The following RNF170 variants were observed in gnomAD, a reference collection of about 807,000 sequenced individuals.
The protein encoded by RNF170 is E3 ubiquitin-protein ligase RNF170.
Under a neutral mutation model 32.7 loss-of-function variants are expected in RNF170, and 12 were observed. The ratio of observed to expected loss-of-function variants is 0.37; its 90% confidence interval spans 0.24 to 0.60. The LOEUF is 0.60. RNF170 is among the 20% of genes least tolerant of loss of function. The pLI is 0.72. For missense variants in RNF170, 212 were observed against 311.2 expected (o/e 0.68, Z 2.40); for synonymous variants, 91 against 103.6 (o/e 0.88, Z 0.74).
At chr8:42,850,650 A>C (rs1802917290), downstream of RNF170, 11 of 934,536 alleles carry the variant, frequency 1.2e-5, no homozygotes, top group Non-Finnish European at 1.8e-5. Flanking sequence ...CAGACAATGG[A>C]AATGTCAATA....
At chr8:42,850,614 G>A, downstream of RNF170, 1 of 737,738 alleles carries the variant, frequency 1.4e-6, no homozygotes, top group Non-Finnish European at 2.2e-6. Flanking sequence ...TGTTTTCATA[G>A]AGCTTGTGTT....
downstream of RNF170, chr8:42,851,146 C>T (rs1586464224): frequency 8.6e-7 from 1 of 1,169,300 alleles, no homozygotes; most frequent in East Asian, 2.6e-5. Context: ...ACCACAGCCC[C>T]CATTGGGCTC....
intron 1 of RNF170, among the ~76,000 whole-genome samples, chr8:42,892,303 C>T (rs1806368048): frequency 6.6e-6 from 1 of 152,184 alleles, no homozygotes; most frequent in Admixed American, 6.5e-5. Context: ...CCTGCTGTGA[C>T]TACAGGTGTG....
At chr8:42,863,980 A>AGAGAGTGT (rs149654513) in intron 5 of RNF170, among the ~76,000 whole-genome samples, 141 of 139,578 alleles carry the variant, frequency 1.0e-3, no homozygotes, top group Non-Finnish European at 1.6e-3. Context: ...AGAGAGAGAG[A>AGAGAGTGT]GTGTGTGTGT....
chr8:42,870,764 T>C (rs139580157), intron 3 of RNF170, among the ~76,000 whole-genome samples: 44 of 152,302 alleles, frequency 2.9e-4, no homozygotes, highest in Non-Finnish European at 1.8e-4. Flanking sequence ...AACTGTTTTC[T>C]AAGTCTTCAC....
chr8:42,854,203 C>G lies in RNF170; in HGVS notation c.*1956G>C. 7.8e-7 allele frequency: 1 copy of G among 1,287,238 alleles called. No individual in the cohort carries two copies. The highest frequency in any genetic ancestry group is 1.0e-6 in the Non-Finnish European group (1 of 988,704). 79.7% of individuals were successfully genotyped at this position (1,287,238 alleles called of 1,614,324 possible). On this transcript the variant is annotated 3_prime_UTR_variant, in exon 7 of 7. Coordinates refer to ENST00000527424, the MANE Select transcript of RNF170 (RefSeq NM_030954.4). ...CACAGACCTTTCCTCTTAGGAGTGC[C>G]TAAGCTGTCTTACTCTGATGGAGGT...
intron 2 of RNF170, among the ~76,000 whole-genome samples, chr8:42,886,689 G>A (rs1054729911): frequency 3.3e-5 from 5 of 151,894 alleles, no homozygotes; most frequent in Admixed American, 3.3e-4. Context: ...AGCCTCCCAA[G>A]GTGCTGGGAT....
intron 2 of RNF170, among the ~76,000 whole-genome samples, chr8:42,878,174 A>G (rs561524493): frequency 6.6e-6 from 1 of 152,352 alleles, no homozygotes; most frequent in East Asian, 1.9e-4. Flanking sequence ...CAATATTGAA[A>G]TTAGGCCAAC....
At chr8:42,875,101 G>A (rs1169353583) in intron 2 of RNF170, among the ~76,000 whole-genome samples, 1 of 151,892 alleles carries the variant, frequency 6.6e-6, no homozygotes, top group African/African-American at 2.4e-5. Flanking sequence ...AACCCCGGAG[G>A]TGGAGGTTGC....
At position 42,855,705 on chromosome 8, in the gene RNF170, CAATAG is replaced by C; in HGVS notation, c.*449_*453del. On this transcript the variant is annotated 3_prime_UTR_variant, in exon 7 of 7. Transcript: ENST00000527424. ...ACTAAAAGAAATACTGAATTTTCCCCAATAGTATATAATATTTTATTGGAACAAAA... is the reference window on the plus strand; with the variant it reads ...ACTAAAAGAAATACTGAATTTTCCCCTATATAATATTTTATTGGAACAAAA... 2 of 1,274,654 alleles carry C rather than the reference CAATAG, an allele frequency of 1.6e-6. No individual in the cohort carries two copies. The highest frequency in any genetic ancestry group is 2.0e-6 in the Non-Finnish European group (2 of 981,744). 79.0% of individuals were successfully genotyped at this position (1,274,654 alleles called of 1,614,324 possible).
Position 42,855,377 on chromosome 8 carries a change from A to C in RNF170, c.*782T>G. On this transcript the variant is annotated 3_prime_UTR_variant, in exon 7 of 7. Coordinates refer to ENST00000527424, the MANE Select transcript of RNF170 (RefSeq NM_030954.4). ...CAGGCGCCTGCCACCACGCCTGGCT[A>C]ATTTTTTGTATTTTTAGTAGAGACG... 1.5e-6 allele frequency: 1 copy of C among 664,846 alleles called. No homozygotes were observed. The allele number at this position is 664,846 out of a possible 1,614,324, so 41.2% of individuals were successfully genotyped here. A position where few individuals can be genotyped will look rare whatever the true frequency, so the allele number is the denominator to read the frequency against.
intron 3 of RNF170, 133 bp from the exon 4 acceptor site, chr8:42,870,245 A>C: frequency 1.4e-6 from 1 of 716,262 alleles, no homozygotes. Context: ...CAATAGTTTA[A>C]GGTTATAATT....
chr8:42,891,278 G>A (rs888445708), intron 1 of RNF170, among the ~76,000 whole-genome samples: 6 of 152,098 alleles, frequency 3.9e-5, no homozygotes, highest in Non-Finnish European at 7.4e-5. Flanking sequence ...TCTGGGTCAC[G>A]TAACATGTTT....
rs919163316 is a variant in RNF170, at chr8:42,870,847, C to A, written c.214-735G>T. ...GCAAGAAACATCTAGATATCAAAGA[C>A]CTCACTAGGATGGATCATGAGGGCA... is the stretch of plus-strand genomic sequence containing the variant. On this transcript the variant is annotated intron_variant, in intron 3 of 6. Transcript: ENST00000527424. 3.3e-5 allele frequency among the ~76,000 whole-genome samples: 5 copies of A among 152,114 alleles called. No homozygotes were observed. The South Asian group carries it at 1.0e-3, about 32-fold the overall frequency.
chr8:42,895,290 G>A (rs752408716), intron 1 of RNF170, among the ~76,000 whole-genome samples: 10 of 152,016 alleles, frequency 6.6e-5, no homozygotes, highest in Non-Finnish European at 2.9e-5. Context: ...ACTCCAGAAC[G>A]AGACCCTTTC....
Position 42,854,283 on chromosome 8 carries a change from T to C in RNF170, c.*1876A>G. 1 of 1,287,242 alleles carries C rather than the reference T, an allele frequency of 7.8e-7. No individual in the cohort carries two copies. Among genetic ancestry groups the C allele is most frequent in the Non-Finnish European group, 1.0e-6 (1 of 988,698 alleles). 79.7% of individuals were successfully genotyped at this position (1,287,242 alleles called of 1,614,324 possible). A position where few individuals can be genotyped will look rare whatever the true frequency, so the allele number is the denominator to read the frequency against. On this transcript the variant is annotated 3_prime_UTR_variant, in exon 7 of 7. Transcript: ENST00000527424. ...CCAGTTTCTCTCTTGCTGTTCCTCT[T>C]AACAACTTTCACGTCTATCTAAACA...
intron 2 of RNF170, among the ~76,000 whole-genome samples, chr8:42,878,957 G>A (rs1586532511): frequency 6.6e-6 from 1 of 152,140 alleles, no homozygotes; most frequent in African/African-American, 2.4e-5. Flanking sequence ...CTCTATAAAT[G>A]CAACAACAAT....
At chr8:42,891,532 T>A (rs1806299840) in intron 1 of RNF170, among the ~76,000 whole-genome samples, 1 of 152,216 alleles carries the variant, frequency 6.6e-6, no homozygotes, top group Non-Finnish European at 1.5e-5. Context: ...CCTTGACTAA[T>A]CAGATCATTA....
chr8:42,887,601 C>T (rs1805927147), intron 2 of RNF170, 127 bp downstream of exon 2: 2 of 876,526 alleles, frequency 2.3e-6, no homozygotes, highest in African/African-American at 3.3e-5. Context: ...AATAAAATAC[C>T]TTAGTAAACA....
Sources: gnomAD v4.1 joint callset for allele counts (sites outside exome capture counted in the v4.1 genomes callset) on GRCh38, gnomAD v4.1.1 for gene constraint, MANE v1.5 for transcripts, NCBI Gene and HGNC (gene_info 2026-07-23, HGNC 2026-07-21) for gene names.